PEBP1: variants seen among roughly 807,000 people sequenced by gnomAD.
The protein encoded by PEBP1 is phosphatidylethanolamine-binding protein 1.
Under a neutral mutation model 22.7 loss-of-function variants are expected in PEBP1, and 17 were observed. The observed-to-expected ratio is 0.75, with a 90% CI of 0.51 to 1.12. The LOEUF is 1.12. Ranked by LOEUF, PEBP1 falls within the 50% of genes most tolerant of loss-of-function variation. PEBP1 has a pLI of 0.00. For missense variants in PEBP1, 205 were observed against 243.5 expected (o/e 0.84, Z 1.05); for synonymous variants, 106 against 104.3 (o/e 1.02, Z -0.10).
At chr12:118,142,278 C>T (rs1006335346) in intron 3 of PEBP1, among the ~76,000 whole-genome samples, 1 of 151,012 alleles carries the variant, frequency 6.6e-6, no homozygotes, top group Admixed American at 6.6e-5. Flanking sequence ...CTGCAACCTC[C>T]ACCTCCCAGG....
At chr12:118,142,828 T>TTG (rs1308405554) in intron 3 of PEBP1, among the ~76,000 whole-genome samples, 1 of 23,746 alleles carries the variant, frequency 4.2e-5, no homozygotes, top group African/African-American at 1.3e-4. Flanking sequence ...TACATTCACT[T>TTG]TTTTTTTTTT....
At chr12:118,142,829 T>TG (rs1348517280) in intron 3 of PEBP1, among the ~76,000 whole-genome samples, 4 of 25,932 alleles carry the variant, frequency 1.5e-4, no homozygotes, top group Middle Eastern at 0.015. Flanking sequence ...ACATTCACTT[T>TG]TTTTTTTTTT....
intron 3 of PEBP1, among the ~76,000 whole-genome samples, chr12:118,142,885 G>GC (rs2034126693): frequency 7.4e-6 from 1 of 135,116 alleles, no homozygotes; most frequent in African/African-American, 2.9e-5. Context: ...TGTCCCCTAG[G>GC]CTGGAGCACA....
intron 1 of PEBP1, among the ~76,000 whole-genome samples, chr12:118,137,279 G>T (rs1329290531): frequency 6.6e-6 from 1 of 152,108 alleles, no homozygotes; most frequent in Non-Finnish European, 1.5e-5. Context: ...GCCAGGGTTG[G>T]AATCCCAGCC....
chr12:118,139,479 A>C lies in PEBP1; in HGVS notation c.274A>C (p.Met92Leu), dbSNP rs766000487. Reference protein sequence around the residue: ...REWHHFLVVNMKGNDISSGTV... With the variant: ...REWHHFLVVNLKGNDISSGTV... ...ATGGCATCATTTCCTGGTGGTCAAC[A>C]TGAAGGGCAATGACATCAGCAGTGG... Residue 92 changes from methionine to leucine, a missense_variant, in exon 3 of 4, where the codon ATG (methionine) becomes CTG (leucine). Physicochemically the swap from Met to Leu is conservative, Grantham distance 15. Coordinates refer to ENST00000261313, the MANE Select transcript of PEBP1 (RefSeq NM_002567.4). 1 of 1,612,956 alleles carries C rather than the reference A, an allele frequency of 6.2e-7. No homozygotes were observed. Among genetic ancestry groups the C allele is most frequent in the Non-Finnish European group, 8.5e-7 (1 of 1,179,704 alleles).
intron 3 of PEBP1, among the ~76,000 whole-genome samples, chr12:118,141,472 G>C (rs533182093): frequency 6.6e-6 from 1 of 152,282 alleles, no homozygotes; most frequent in South Asian, 2.1e-4. Flanking sequence ...GGTGGCTCAC[G>C]CCTATAATCC....
chr12:118,144,979 T>A lies in PEBP1; in HGVS notation c.*176T>A. ...TGCTGCCTGGCCTTTATAATTTTAC[T>A]CACTCACTCTGATTTATGTTTTGAT... On this transcript the variant is annotated 3_prime_UTR_variant, in exon 4 of 4. Coordinates refer to ENST00000261313, the MANE Select transcript of PEBP1 (RefSeq NM_002567.4). The A allele has an allele frequency of 6.6e-7, 1 of 1,526,662 alleles. No individual in the cohort carries two copies. The highest frequency in any genetic ancestry group is 2.5e-5 in the East Asian group (1 of 40,220). The allele number at this position is 1,526,662 out of a possible 1,614,324, so 94.6% of individuals were successfully genotyped here.
At position 118,144,912 on chromosome 12, in the gene PEBP1, T is replaced by A. The variant is rs2034144668; in HGVS notation, c.*109T>A. ...CTCTTCCTGCCCCCCTTGGCATGGG[T>A]GAGACCTGACCAGTCAGATGGTAGT... On this transcript the variant is annotated 3_prime_UTR_variant, in exon 4 of 4. Coordinates refer to ENST00000261313, the MANE Select transcript of PEBP1 (RefSeq NM_002567.4). The A allele has an allele frequency of 1.3e-6, 2 of 1,573,540 alleles. No homozygotes were observed. Among genetic ancestry groups the A allele is most frequent in the South Asian group, 2.3e-5 (2 of 87,286 alleles).
chr12:118,143,622 G>A (rs1012335912), intron 3 of PEBP1, among the ~76,000 whole-genome samples: 2 of 152,192 alleles, frequency 1.3e-5, no homozygotes, highest in South Asian at 2.1e-4. Flanking sequence ...GTTTCTGGCC[G>A]GGTGCAGTGG....
Position 118,144,901 on chromosome 12 carries a change from C to T in PEBP1, c.*98C>T. The T allele has an allele frequency of 6.3e-7, 1 of 1,584,328 alleles. No homozygotes were observed. Among genetic ancestry groups the T allele is most frequent in the Non-Finnish European group, 8.5e-7 (1 of 1,171,408 alleles). On this transcript the variant is annotated 3_prime_UTR_variant, in exon 4 of 4. Coordinates refer to ENST00000261313, the MANE Select transcript of PEBP1 (RefSeq NM_002567.4). ...ATAGATTTCTCCTCTTCCTGCCCCC[C>T]TTGGCATGGGTGAGACCTGACCAGT... is the stretch of plus-strand genomic sequence containing the variant.
intron 2 of PEBP1, chr12:118,138,878 CTG>C (rs2034089615): frequency 6.5e-6 from 1 of 153,594 alleles, no homozygotes; most frequent in Non-Finnish European, 1.4e-5. Flanking sequence ...GCAACAGAGA[CTG>C]TGGCCCCCAA....
Position 118,136,155 on chromosome 12 carries a change from G to A in PEBP1, c.-55G>A. On this transcript the variant is annotated 5_prime_UTR_variant, in exon 1 of 4. Coordinates refer to ENST00000261313, the MANE Select transcript of PEBP1 (RefSeq NM_002567.4). The surrounding 1 kb of genome is among the most constrained non-coding windows in gnomAD (Gnocchi z 5.6). ...CTGAGCTCTCCGCGTCGCCTCTGTCGCCCGCGCCTGGCCTACCGCGGCACT... is the reference window on the plus strand; with the variant it reads ...CTGAGCTCTCCGCGTCGCCTCTGTCACCCGCGCCTGGCCTACCGCGGCACT... 1 of 1,533,654 alleles carries A rather than the reference G, an allele frequency of 6.5e-7. No homozygotes were observed. Among genetic ancestry groups the A allele is most frequent in the Admixed American group, 2.0e-5 (1 of 50,794 alleles).
At chr12:118,141,578 AC>A (rs2034114646) in intron 3 of PEBP1, among the ~76,000 whole-genome samples, 1 of 152,194 alleles carries the variant, frequency 6.6e-6, no homozygotes, top group Admixed American at 6.5e-5. Flanking sequence ...TACCAAAAAT[AC>A]AAAAATTATC....
At position 118,144,629 on chromosome 12, in the gene PEBP1, G is replaced by A. The variant is rs11554099; in HGVS notation, c.390G>A (p.Pro130=). ...GGCTGGTTTACGAGCAGGACAGGCC[G>A]CTAAAGTGTGACGAGCCCATCCTCA... ...YVWLVYEQDR[P]LKCDEPILSN... Residue 130 remains proline (P), a synonymous_variant, in exon 4 of 4, where the codon CCG becomes CCA. Transcript: ENST00000261313. 2.2e-5 allele frequency: 35 copies of A among 1,613,900 alleles called. No homozygotes were observed. The highest frequency in any genetic ancestry group is 3.3e-5 in the Admixed American group (2 of 59,992).
chr12:118,141,424 A>G (rs961088513), intron 3 of PEBP1, among the ~76,000 whole-genome samples: 4 of 152,004 alleles, frequency 2.6e-5, no homozygotes, highest in African/African-American at 9.7e-5. Flanking sequence ...CACTTTCGCT[A>G]TTCTTGTGTT....
In PEBP1 at chr12:118,144,641, C is replaced by T. The variant is rs142391506; in HGVS notation, c.402C>T (p.Asp134=). Residue 134 remains aspartate (D), a synonymous_variant, in exon 4 of 4, where the codon GAC becomes GAT. Transcript: ENST00000261313. Reference sequence around the variant, plus strand: ...AGCAGGACAGGCCGCTAAAGTGTGACGAGCCCATCCTCAGCAACCGATCTG... The same window carrying T: ...AGCAGGACAGGCCGCTAAAGTGTGATGAGCCCATCCTCAGCAACCGATCTG... ...VYEQDRPLKC[D]EPILSNRSGD... The T allele has an allele frequency of 1.2e-3, 1,923 of 1,614,054 alleles. 4 individuals are homozygous for T. Among genetic ancestry groups the T allele is most frequent in the Non-Finnish European group, 1.5e-3 (1,777 of 1,180,010 alleles).
intron 3 of PEBP1, among the ~76,000 whole-genome samples, chr12:118,140,305 A>C (rs1053727078): frequency 8.5e-5 from 13 of 152,136 alleles, no homozygotes; most frequent in African/African-American, 2.4e-4. Context: ...AGGAGTTAAC[A>C]TGAAGAGGTA....
chr12:118,139,827 T>C (rs1763116365), intron 3 of PEBP1, among the ~76,000 whole-genome samples: 1 of 152,152 alleles, frequency 6.6e-6, no homozygotes, highest in Non-Finnish European at 1.5e-5. Flanking sequence ...GAAGCACTGT[T>C]GCAGAAAGCT....
Position 118,136,954 on chromosome 12 carries a change from C to T in PEBP1, c.135+610C>T, listed in dbSNP as rs1270798398. Among the ~76,000 whole-genome samples, 2 of 152,208 alleles carry T rather than the reference C, an allele frequency of 1.3e-5. No individual in the cohort carries two copies. The highest frequency in any genetic ancestry group is 2.9e-5 in the Non-Finnish European group (2 of 68,044). ...AGTGAAGAAACTAGATTTGCAGACGCCACTGCTAGTTGGTTATGAAGCTCC... is the reference window on the plus strand; with the variant it reads ...AGTGAAGAAACTAGATTTGCAGACGTCACTGCTAGTTGGTTATGAAGCTCC... On this transcript the variant is annotated intron_variant, in intron 1 of 3. Coordinates refer to ENST00000261313, the MANE Select transcript of PEBP1 (RefSeq NM_002567.4). This position sits in a 1 kb window ranked among gnomAD's most constrained non-coding sequence, Gnocchi z 5.6.
Sources: gnomAD v4.1 joint callset for allele counts (sites outside exome capture counted in the v4.1 genomes callset) on GRCh38, gnomAD v4.1.1 for gene constraint, Gnocchi (gnomAD v3.1) non-coding constraint, MANE v1.5 for transcripts, NCBI Gene and HGNC (gene_info 2026-07-23, HGNC 2026-07-21) for gene names.